SPON1: variants seen among roughly 807,000 people sequenced by gnomAD.
SPON1 encodes spondin 1.
In SPON1, 52 loss-of-function variants were observed where a neutral mutation model predicts 111.7. That is an observed-to-expected ratio of 0.47 (90% CI 0.37 to 0.59). The LOEUF (loss-of-function observed/expected upper bound fraction) is 0.59. Ranked by LOEUF, SPON1 falls within the 20% of genes least tolerant of loss-of-function variation. SPON1 has a pLI of 0.00. For missense variants in SPON1, 957 were observed against 1,068.5 expected (o/e 0.90, Z 1.46); for synonymous variants, 410 against 395.8 (o/e 1.04, Z -0.43).
At chr11:14,101,495 T>A (rs1345115267) in intron 5 of SPON1, among the ~76,000 whole-genome samples, 1 of 152,104 alleles carries the variant, frequency 6.6e-6, no homozygotes, top group Non-Finnish European at 1.5e-5. Context: ...CTCCTTTAAT[T>A]CTGGAGATTT....
At chr11:14,058,753 A>G (rs1368475160) in intron 3 of SPON1, among the ~76,000 whole-genome samples, 1 of 152,224 alleles carries the variant, frequency 6.6e-6, no homozygotes, top group African/African-American at 2.4e-5. Flanking sequence ...AATGACAGTA[A>G]CAATTGCTAA....
At chr11:13,974,272 G>A (rs1554908883) in intron 1 of SPON1, among the ~76,000 whole-genome samples, 2 of 152,198 alleles carry the variant, frequency 1.3e-5, no homozygotes, top group South Asian at 4.1e-4. Flanking sequence ...TTGTGGTTGA[G>A]GTGTGTAGCA....
At chr11:14,145,722 T>G (rs1477103287) in intron 6 of SPON1, among the ~76,000 whole-genome samples, 1 of 152,196 alleles carries the variant, frequency 6.6e-6, no homozygotes, top group Non-Finnish European at 1.5e-5. Context: ...TGCAAAAGTA[T>G]ATGAGGAAGA....
chr11:14,234,998 C>T (rs1191028479), intron 6 of SPON1, among the ~76,000 whole-genome samples: 1 of 152,200 alleles, frequency 6.6e-6, no homozygotes, highest in Non-Finnish European at 1.5e-5. Context: ...AGCCAGCCCA[C>T]CTGAGCCAGG....
intron 6 of SPON1, among the ~76,000 whole-genome samples, chr11:14,152,446 A>T (rs946514825): frequency 1.3e-5 from 2 of 152,202 alleles, no homozygotes; most frequent in Non-Finnish European, 2.9e-5. Flanking sequence ...GCATTGATCC[A>T]TGTATGTTAT....
intron 5 of SPON1, among the ~76,000 whole-genome samples, chr11:14,100,092 A>T (rs1205573403): frequency 6.6e-6 from 1 of 152,026 alleles, no homozygotes; most frequent in Non-Finnish European, 1.5e-5. Context: ...TCCAAACCAT[A>T]TCAGTAAAAG....
At chr11:14,066,104 G>T (rs1394020648) in intron 3 of SPON1, among the ~76,000 whole-genome samples, 1 of 152,174 alleles carries the variant, frequency 6.6e-6, no homozygotes, top group Non-Finnish European at 1.5e-5. Flanking sequence ...AATACCCCAG[G>T]TACCACTAAT....
chr11:14,160,981 A>G (rs1357293906), intron 6 of SPON1, among the ~76,000 whole-genome samples: 8 of 81,306 alleles, frequency 9.8e-5, no homozygotes, highest in Non-Finnish European at 1.5e-4. Context: ...ATTTTTATAT[A>G]TTTATATATA....
At chr11:14,202,314 C>G (rs1237153511) in intron 6 of SPON1, among the ~76,000 whole-genome samples, 1 of 152,198 alleles carries the variant, frequency 6.6e-6, no homozygotes, top group Non-Finnish European at 1.5e-5. Flanking sequence ...TGCCTCACAT[C>G]TCCCTCATCT....
chr11:14,243,429 T>C (rs1848952031), intron 7 of SPON1, 33 bp downstream of exon 7: 4 of 1,550,370 alleles, frequency 2.6e-6, no homozygotes, highest in Non-Finnish European at 3.5e-6. Flanking sequence ...CTGGCCTGTC[T>C]TATCCTAGCC....
chr11:14,161,010 T>TC (rs1554931155), intron 6 of SPON1, among the ~76,000 whole-genome samples: 2 of 87,348 alleles, frequency 2.3e-5, no homozygotes, highest in Non-Finnish European at 3.9e-5. Flanking sequence ...TATTTATATA[T>TC]TTATATATCT....
intron 3 of SPON1, among the ~76,000 whole-genome samples, chr11:14,043,185 A>G (rs1554917485): frequency 6.6e-6 from 1 of 152,192 alleles, no homozygotes; most frequent in East Asian, 1.9e-4. Flanking sequence ...CAAGGGAGTC[A>G]GCTGCCATTA....
intron 5 of SPON1, among the ~76,000 whole-genome samples, chr11:14,103,216 C>A (rs1177349317): frequency 6.6e-6 from 1 of 152,144 alleles, no homozygotes; most frequent in Non-Finnish European, 1.5e-5. Context: ...CATCCTGACA[C>A]TCTTAGAACA....
chr11:14,258,081 C>T (rs1436248087), intron 11 of SPON1, among the ~76,000 whole-genome samples, 183 bp downstream of exon 11: 1 of 152,232 alleles, frequency 6.6e-6, no homozygotes, highest in African/African-American at 2.4e-5. Context: ...CAGAATCTCT[C>T]TTATATCAAA....
chr11:14,065,746 T>C (rs1848827838), intron 3 of SPON1, among the ~76,000 whole-genome samples: 1 of 152,218 alleles, frequency 6.6e-6, no homozygotes, highest in Non-Finnish European at 1.5e-5. Flanking sequence ...AGGAACCCCT[T>C]TGAGAAGCAG....
At chr11:13,997,385 C>A (rs1554911926) in intron 2 of SPON1, among the ~76,000 whole-genome samples, 1 of 152,190 alleles carries the variant, frequency 6.6e-6, no homozygotes, top group East Asian at 1.9e-4. Context: ...CTAGCTAAGT[C>A]AAGAAGTCTC....
chr11:13,990,193 G>T (rs1554910929), intron 2 of SPON1, among the ~76,000 whole-genome samples: 1 of 151,812 alleles, frequency 6.6e-6, no homozygotes, highest in Non-Finnish European at 1.5e-5. Flanking sequence ...GTCTCTTTGT[G>T]GTCTCTAAGA....
At position 14,259,430 on chromosome 11, in the gene SPON1, GCACGGT is replaced by G; in HGVS notation, c.1646_1651del (p.Thr549_Val550del). On this transcript the variant is annotated inframe_deletion, in exon 12 of 16. Coordinates refer to ENST00000576479, the MANE Select transcript of SPON1 (RefSeq NM_006108.4). This position sits in a 1 kb window ranked among gnomAD's most constrained non-coding sequence, Gnocchi z 5.0. The stretch of plus-strand genomic sequence containing the variant: ...CTGCCCACTGAGGAAACGGAGAAGT[GCACGGT>G]CAACGAGGAGTGCTGTGAGTGGGGG... The G allele has an allele frequency of 1.2e-6, 2 of 1,609,988 alleles. No homozygotes were observed. Among genetic ancestry groups the G allele is most frequent in the Non-Finnish European group, 1.7e-6 (2 of 1,178,460 alleles).
intron 6 of SPON1, among the ~76,000 whole-genome samples, chr11:14,206,522 G>T (rs1042529778): frequency 6.6e-6 from 1 of 152,086 alleles, no homozygotes; most frequent in African/African-American, 2.4e-5. Context: ...TGTTATTGTT[G>T]TATCAACTTT....
Sources: gnomAD v4.1 joint callset for allele counts (sites outside exome capture counted in the v4.1 genomes callset) on GRCh38, gnomAD v4.1.1 for gene constraint, Gnocchi (gnomAD v3.1) non-coding constraint, MANE v1.5 for transcripts, NCBI Gene and HGNC (gene_info 2026-07-23, HGNC 2026-07-21) for gene names.